Variants in VWA5A observed in about 807,000 individuals in gnomAD.
VWA5A encodes the protein von Willebrand factor A domain containing 5A.
VWA5A carries 77 observed loss-of-function variants against 84.6 expected under a neutral mutation model. The observed-to-expected ratio is 0.91, with a 90% CI of 0.76 to 1.10. The LOEUF (loss-of-function observed/expected upper bound fraction) is 1.10, where lower values mean the gene tolerates loss of function less well. Among genes scored for constraint, VWA5A ranks in the 50% least tolerant of loss-of-function variants. The pLI is 0.00. For synonymous variants in VWA5A, 334 were observed against 350.1 expected (o/e 0.95, Z 0.51); for missense variants, 973 against 963.0 (o/e 1.01, Z -0.14).
At chr11:124,131,148 C>T (rs1009169184) in intron 11 of VWA5A, among the ~76,000 whole-genome samples, 3 of 151,736 alleles carry the variant, frequency 2.0e-5, no homozygotes, top group African/African-American at 4.8e-5. Context: ...TATACCAAAC[C>T]GTATATGTAC....
At position 124,145,988 on chromosome 11, in the gene VWA5A, C is replaced by G. The variant is rs756871200; in HGVS notation, c.*43C>G. On this transcript the variant is annotated 3_prime_UTR_variant, in exon 19 of 19. Transcript: ENST00000456829. Reference sequence around the variant, plus strand: ...AGAAGTGCCTTTAATTTGCTACTGTCATTTCCTCTAGTATCACTTTTGCTG... The same window carrying G: ...AGAAGTGCCTTTAATTTGCTACTGTGATTTCCTCTAGTATCACTTTTGCTG... 9.1e-6 allele frequency: 14 copies of G among 1,539,682 alleles called. No individual in the cohort carries two copies. Among genetic ancestry groups the G allele is most frequent in the Non-Finnish European group, 1.1e-5 (12 of 1,132,666 alleles).
At chr11:124,115,543 G>T (rs904145747) in intron 1 of VWA5A, 61 bp downstream of exon 1, 3 of 152,200 alleles carry the variant, frequency 2.0e-5, no homozygotes, top group Non-Finnish European at 4.4e-5. Context: ...AAGACTGAGA[G>T]CTCCACATTC....
chr11:124,144,464 G>A (rs889848406), intron 17 of VWA5A, among the ~76,000 whole-genome samples: 108 of 152,170 alleles, frequency 7.1e-4, no homozygotes, highest in African/African-American at 2.6e-3. Context: ...TTTTAGACTA[G>A]GAGAACAAGC....
chr11:124,146,693 C>A lies in VWA5A; in HGVS notation c.*748C>A, dbSNP rs907164432. Reference sequence around the variant, plus strand: ...TGTGTCCTCTAAGTCAGGCCCTGATCTAGTGCAGTAAAGGGAAGGGTGGGC... The same window carrying A: ...TGTGTCCTCTAAGTCAGGCCCTGATATAGTGCAGTAAAGGGAAGGGTGGGC... On this transcript the variant is annotated 3_prime_UTR_variant, in exon 19 of 19. Transcript: ENST00000456829. The A allele has an allele frequency of 6.6e-6, 1 of 152,174 alleles. No individual in the cohort carries two copies. Among genetic ancestry groups the A allele is most frequent in the African/African-American group, 2.4e-5 (1 of 41,390 alleles). 9.4% of individuals were successfully genotyped at this position (152,174 alleles called of 1,614,324 possible).
At chr11:124,140,664 T>C (rs1006627150) in intron 15 of VWA5A, among the ~76,000 whole-genome samples, 1 of 152,030 alleles carries the variant, frequency 6.6e-6, no homozygotes, top group Admixed American at 6.6e-5. Context: ...AAATGAGGTC[T>C]CACTACATTG....
chr11:124,126,230 T>C (rs1036939740), intron 11 of VWA5A, among the ~76,000 whole-genome samples: 1 of 152,242 alleles, frequency 6.6e-6, no homozygotes, highest in African/African-American at 2.4e-5. Flanking sequence ...ACTCTTAGTA[T>C]TTGTATTTTA....
intron 15 of VWA5A, 114 bp from the exon 16 acceptor site, chr11:124,141,484 G>T: frequency 7.5e-7 from 1 of 1,337,916 alleles, no homozygotes; most frequent in Non-Finnish European, 1.0e-6. Context: ...AGCACAGTAA[G>T]GGTGGTGACT....
intron 15 of VWA5A, among the ~76,000 whole-genome samples, chr11:124,141,124 C>T (rs762916380): frequency 3.3e-5 from 5 of 152,008 alleles, no homozygotes; most frequent in Admixed American, 6.6e-5. Flanking sequence ...AATGAATGAT[C>T]GGAAATAACA....
chr11:124,138,915 C>T (rs1261631984), intron 15 of VWA5A, among the ~76,000 whole-genome samples: 2 of 152,198 alleles, frequency 1.3e-5, no homozygotes, highest in African/African-American at 4.8e-5. Flanking sequence ...TCACCTCTTA[C>T]ACTTAAGCCT....
Position 124,134,939 on chromosome 11 carries a change from G to A in VWA5A, c.1264G>A (p.Gly422Arg), listed in dbSNP as rs1865151055. Reference sequence around the variant, plus strand: ...TTGCAGGTGTTTCTCATTTGGTATTGGAGAAGGCACCTCCACCAGCCTAAT... The same window carrying A: ...TTGCAGGTGTTTCTCATTTGGTATTAGAGAAGGCACCTCCACCAGCCTAAT... ...QKHRCFSFGI[G>R]EGTSTSLIKG... The change falls in exon 12 of 19, where the codon GGA (glycine) becomes AGA (arginine). Residue 422 changes from glycine (G) to arginine (R), a missense_variant. Physicochemically the swap from Gly to Arg is moderately radical, Grantham distance 125 (BLOSUM62 -2). Transcript: ENST00000456829. 6.2e-7 allele frequency: 1 copy of A among 1,613,036 alleles called. No homozygotes were observed.
At chr11:124,135,521 T>C (rs1443794649) in intron 12 of VWA5A, among the ~76,000 whole-genome samples, 1 of 136,664 alleles carries the variant, frequency 7.3e-6, no homozygotes, top group Non-Finnish European at 1.5e-5. Context: ...TGGTGGTATT[T>C]CTTTTTTTTT....
In VWA5A at chr11:124,145,881, CG is replaced by C. The variant is rs759202110; in HGVS notation, c.2299del (p.Val767LeufsTer2). On this transcript the variant is annotated frameshift_variant, in exon 19 of 19. Transcript: ENST00000456829. LOFTEE classifies it high-confidence loss of function. ...MRAHAGSTMP[S>X]VVKAAITFLK... ...CTCACCACAGGCTCCACCATGCCTT[CG>C]GTTGTGAAAGCTGCTATTACTTTCC... The C allele has an allele frequency of 1.3e-6, 2 of 1,583,230 alleles. No individual in the cohort carries two copies. Among genetic ancestry groups the C allele is most frequent in the East Asian group, 4.5e-5 (2 of 44,062 alleles).
chr11:124,141,587 G>A lies in VWA5A; in HGVS notation c.1880-11G>A. ...GGGAGTGCCACTGTCTTAATGTTTG[G>A]ATTTTTTCAGGTTTTCGAAAGGCCT... On this transcript the variant is annotated splice_polypyrimidine_tract_variant and intron_variant, in intron 15 of 18. Coordinates refer to ENST00000456829, the MANE Select transcript of VWA5A (RefSeq NM_001130142.2). 1 of 1,613,868 alleles carries A rather than the reference G, an allele frequency of 6.2e-7. No homozygotes were observed. Among genetic ancestry groups the A allele is most frequent in the Non-Finnish European group, 8.5e-7 (1 of 1,179,910 alleles).
intron 7 of VWA5A, among the ~76,000 whole-genome samples, chr11:124,121,317 C>G (rs527896999): frequency 1.3e-5 from 2 of 152,082 alleles, no homozygotes; most frequent in African/African-American, 4.8e-5. Flanking sequence ...TGGGTTTAAT[C>G]TGAGTTGAGC....
At chr11:124,134,204 G>A (rs919514069) in intron 11 of VWA5A, among the ~76,000 whole-genome samples, 4 of 152,190 alleles carry the variant, frequency 2.6e-5, no homozygotes, top group South Asian at 2.1e-4. Context: ...TCTTACAAGC[G>A]TAGAGCATTG....
intron 17 of VWA5A, among the ~76,000 whole-genome samples, chr11:124,142,956 A>G (rs1262279126): frequency 6.6e-6 from 1 of 152,218 alleles, no homozygotes; most frequent in East Asian, 1.9e-4. Flanking sequence ...CATTAATTTA[A>G]TAAGGTAGAT....
rs762958600 is a variant in VWA5A at position 124,136,750 on chromosome 11, T to TTCCCTCCCTCCC, written c.1625+96_1625+107dup. On this transcript the variant is annotated intron_variant, in intron 14 of 18. Transcript: ENST00000456829. ...CTTCCTTCCTTCCTTCCTTCCTTCATTCCCTCCCTCCCTCCCTCCCTCCCT... is the reference window on the plus strand; with the variant it reads ...CTTCCTTCCTTCCTTCCTTCCTTCATTCCCTCCCTCCCTCCCTCCCTCCCTCCCTCCCTCCCT... 737 of 811,960 alleles carry TTCCCTCCCTCCC rather than the reference T, an allele frequency of 9.1e-4. 4 individuals are homozygous for TTCCCTCCCTCCC. Among genetic ancestry groups the TTCCCTCCCTCCC allele is most frequent in the African/African-American group, 5.1e-3 (154 of 30,000 alleles). 50.3% of individuals were successfully genotyped at this position (811,960 alleles called of 1,614,324 possible). A position where few individuals can be genotyped will look rare whatever the true frequency, so the allele number is the denominator to read the frequency against.
Position 124,117,798 on chromosome 11 carries a change from G to A in VWA5A, c.169G>A (p.Glu57Lys), listed in dbSNP as rs1864858281. Residue 57 changes from glutamate (E) to lysine (K), a missense_variant, in exon 4 of 19, where the codon GAA (glutamate) becomes AAA (lysine). Physicochemically the swap from Glu to Lys is moderately conservative, Grantham distance 56. Transcript: ENST00000456829. Reference sequence around the variant, plus strand: ...GGCCTTCTTTGTGTTCCCCATGGATGAAGACTCTGCTGTTTACAGCTTTGA... The same window carrying A: ...GGCCTTCTTTGTGTTCCCCATGGATAAAGACTCTGCTGTTTACAGCTTTGA... ...LEAFFVFPMD[E>K]DSAVYSFEAL... 13 of 1,614,212 alleles carry A rather than the reference G, an allele frequency of 8.1e-6. No homozygotes were observed. Among genetic ancestry groups the A allele is most frequent in the Non-Finnish European group, 1.1e-5 (13 of 1,180,036 alleles).
intron 11 of VWA5A, among the ~76,000 whole-genome samples, chr11:124,129,539 G>T (rs1460104652): frequency 6.6e-6 from 1 of 152,142 alleles, no homozygotes; most frequent in Non-Finnish European, 1.5e-5. Flanking sequence ...GTTTGGAATA[G>T]TTTCAGAAGG....
Sources: allele counts gnomAD v4.1 joint callset (sites outside exome capture counted in the v4.1 genomes callset), GRCh38; gene constraint gnomAD v4.1.1; transcripts MANE v1.5; gene names NCBI Gene and HGNC (gene_info 2026-07-23, HGNC 2026-07-21).